Variants in RBL1 observed in about 807,000 individuals in gnomAD.
RBL1 encodes the protein retinoblastoma-like protein 1.
A neutral mutation model predicts 123.0 loss-of-function variants in RBL1; 82 were observed. That is an observed-to-expected ratio of 0.67 (90% CI 0.56 to 0.80). The LOEUF (loss-of-function observed/expected upper bound fraction) is 0.80. Ranked by LOEUF, RBL1 falls within the 30% of genes least tolerant of loss-of-function variation. RBL1 has a pLI of 0.00. For missense variants in RBL1, 1,171 were observed against 1,299.6 expected (o/e 0.90, Z 1.52); for synonymous variants, 405 against 441.3 (o/e 0.92, Z 1.03).
Position 37,062,228 on chromosome 20 carries a change from AAC to A in RBL1, c.937_938del (p.Val313TrpfsTer2). The A allele has an allele frequency of 6.2e-7, 1 of 1,614,208 alleles. No homozygotes were observed. Among genetic ancestry groups the A allele is most frequent in the Non-Finnish European group, 8.5e-7 (1 of 1,180,030 alleles). ...NKEYEEYVLT[V>X]GDFDERIFLG... Reference sequence around the variant, plus strand: ...AAAAGATCCTCTCATCAAAATCACCAACAGTTAGAACATACTCTTCATACTCC... The same window carrying A: ...AAAAGATCCTCTCATCAAAATCACCAAGTTAGAACATACTCTTCATACTCC... On this transcript the variant is annotated frameshift_variant, in exon 8 of 22. Transcript: ENST00000373664. LOFTEE classifies it high-confidence loss of function.
Position 37,062,245 on chromosome 20 carries a change from C to G in RBL1, c.922G>C (p.Glu308Gln). The G allele has an allele frequency of 6.2e-7, 1 of 1,614,122 alleles. No homozygotes were observed. The highest frequency in any genetic ancestry group is 8.5e-7 in the Non-Finnish European group (1 of 1,180,026). ...AAATCACCAACAGTTAGAACATACT[C>G]TTCATACTCCTTATTCACTGCTTTG... ...NSKAVNKEYE[E>Q]YVLTVGDFDE... The change falls in exon 8 of 22, where the codon GAG (glutamate) becomes CAG (glutamine). Residue 308 changes from glutamate (E) to glutamine (Q), a missense_variant. Coordinates refer to ENST00000373664, the MANE Select transcript of RBL1 (RefSeq NM_002895.5).
intron 18 of RBL1, 71 bp downstream of exon 18, chr20:37,020,588 C>T (rs2064326309): frequency 2.9e-6 from 3 of 1,028,510 alleles, no homozygotes; most frequent in Non-Finnish European, 2.9e-6. Context: ...AATAAGTTTA[C>T]CTTTTATATA....
intron 11 of RBL1, among the ~76,000 whole-genome samples, chr20:37,048,502 G>A (rs1448092451): frequency 2.6e-5 from 4 of 152,132 alleles, no homozygotes; most frequent in African/African-American, 9.7e-5. Flanking sequence ...AGCCAGGCAA[G>A]AGATTTACAG....
In RBL1 at chr20:37,047,109, G is replaced by A. The variant is rs149999468; in HGVS notation, c.1549C>T (p.Arg517Cys). ...EIVLFAYSSP[R>C]TFPWIIEVLN... Reference sequence around the variant, plus strand: ...ACTTCAATAATCCAAGGAAAAGTACGAGGTGAGCTATAGGCAAAGAGCACA... The same window carrying A: ...ACTTCAATAATCCAAGGAAAAGTACAAGGTGAGCTATAGGCAAAGAGCACA... Residue 517 changes from arginine to cysteine, a missense_variant, in exon 12 of 22, where the codon CGT (arginine) becomes TGT (cysteine). Physicochemically the swap from Arg to Cys is radical, Grantham distance 180 (BLOSUM62 -3). Transcript: ENST00000373664. 1.1e-3 allele frequency: 1,809 copies of A among 1,605,142 alleles called. 1 individual carries two copies. The highest frequency in any genetic ancestry group is 2.1e-3 in the Admixed American group (122 of 56,850).
chr20:37,095,441 T>G (rs1305423051), intron 1 of RBL1, among the ~76,000 whole-genome samples: 2 of 152,216 alleles, frequency 1.3e-5, no homozygotes, highest in Non-Finnish European at 2.9e-5. Flanking sequence ...GCAGTTCATT[T>G]TCACTTTACC....
chr20:37,047,099 G>C lies in RBL1; in HGVS notation c.1559C>G (p.Pro520Arg), dbSNP rs140507297. 4.0e-4 allele frequency: 644 copies of C among 1,598,378 alleles called. 2 individuals carry two copies. In the African/African-American group the frequency reaches 7.7e-3, roughly 19 times the overall value. Reference protein sequence around the residue: ...LFAYSSPRTFPWIIEVLNLQP... With the variant: ...LFAYSSPRTFRWIIEVLNLQP... Reference sequence around the variant, plus strand: ...CAAGTTGAGAACTTCAATAATCCAAGGAAAAGTACGAGGTGAGCTATAGGC... The same window carrying C: ...CAAGTTGAGAACTTCAATAATCCAACGAAAAGTACGAGGTGAGCTATAGGC... The change falls in exon 12 of 22, where the codon CCT (proline) becomes CGT (arginine). Residue 520 changes from proline (P) to arginine (R), a missense_variant. Transcript: ENST00000373664.
chr20:37,018,260 G>A lies in RBL1; in HGVS notation c.2722+19C>T. On this transcript the variant is annotated intron_variant, in intron 19 of 21. Transcript: ENST00000373664. ...ATCCAATGTGTTTTACATATAATAT[G>A]TTAAATTGGATAACTTACCACAATC... 5 of 1,595,402 alleles carry A rather than the reference G, an allele frequency of 3.1e-6. No homozygotes were observed. Among genetic ancestry groups the A allele is most frequent in the Non-Finnish European group, 4.3e-6 (5 of 1,171,840 alleles).
In RBL1 at chr20:37,061,190, G is replaced by C. The variant is rs759864352; in HGVS notation, c.1163C>G (p.Ala388Gly). ...CCGGCTCACACTTTGGGTGGCTGAT[G>C]CAACAGGAGTAATGACTGCTTCTTT... ...REKEAVITPVASATQSVSRLQ... is the reference protein window; with the variant it reads ...REKEAVITPVGSATQSVSRLQ... Residue 388 changes from alanine (A) to glycine (G), a missense_variant, in exon 9 of 22, where the codon GCA becomes GGA. By Grantham distance (60) the Ala-to-Gly change is moderately conservative. Transcript: ENST00000373664. 13 of 1,614,122 alleles carry C rather than the reference G, an allele frequency of 8.1e-6. No individual in the cohort carries two copies. The South Asian group carries it at 1.3e-4, about 16-fold the overall frequency.
intron 21 of RBL1, among the ~76,000 whole-genome samples, chr20:37,003,256 TCAC>T (rs912861175): frequency 7.2e-5 from 11 of 152,286 alleles, no homozygotes; most frequent in African/African-American, 2.6e-4. Flanking sequence ...TACCACATCT[TCAC>T]CACTGAACAA....
intron 9 of RBL1, among the ~76,000 whole-genome samples, chr20:37,057,052 T>TAC (rs1568864724): frequency 1.7e-5 from 2 of 119,532 alleles, no homozygotes; most frequent in Non-Finnish European, 3.7e-5. Flanking sequence ...TACCTACCTA[T>TAC]CTACCTATCT....
At chr20:37,074,328 C>T (rs914397835) in intron 2 of RBL1, among the ~76,000 whole-genome samples, 1 of 147,846 alleles carries the variant, frequency 6.8e-6, no homozygotes, top group Non-Finnish European at 1.5e-5. Context: ...GTAGGCAGAT[C>T]GCTTGAGCCT....
chr20:37,046,938 C>T, intron 12 of RBL1, 115 bp downstream of exon 12: 1 of 1,380,454 alleles, frequency 7.2e-7, no homozygotes, highest in African/African-American at 1.5e-5. Flanking sequence ...CAGAACACAT[C>T]TGGAAACACT....
chr20:37,030,863 A>T (rs543574107), intron 16 of RBL1, among the ~76,000 whole-genome samples: 1 of 151,010 alleles, frequency 6.6e-6, no homozygotes, highest in Non-Finnish European at 1.5e-5. Flanking sequence ...TCAAAAAAAA[A>T]AAAAACAAAA....
At chr20:37,001,659 A>T (rs1262371361) in intron 21 of RBL1, among the ~76,000 whole-genome samples, 1 of 148,808 alleles carries the variant, frequency 6.7e-6, no homozygotes, top group East Asian at 2.0e-4. Context: ...GGAAAACCAG[A>T]GACCTTTGTT....
At chr20:37,067,380 T>C in intron 3 of RBL1, 83 bp from the exon 4 acceptor site, 2 of 1,015,880 alleles carry the variant, frequency 2.0e-6, no homozygotes, top group Non-Finnish European at 2.9e-6. Context: ...AAATATCAAA[T>C]AGATCAAATT....
chr20:37,022,226 T>C (rs948728358), intron 17 of RBL1, among the ~76,000 whole-genome samples: 1 of 152,230 alleles, frequency 6.6e-6, no homozygotes, highest in African/African-American at 2.4e-5. Context: ...AAGCAAGATA[T>C]GTTATTCCAT....
rs763927293 is a variant in RBL1 at position 37,040,289 on chromosome 20, T to C, written c.1771-4A>G. 24 of 1,611,126 alleles carry C rather than the reference T, an allele frequency of 1.5e-5. No individual in the cohort carries two copies. Among genetic ancestry groups the C allele is most frequent in the South Asian group, 8.9e-5 (8 of 90,094 alleles). Reference sequence around the variant, plus strand: ...CAAAGTTATTTGGGAATATAACCTGTAGAAAACAAAAACCCTTTGATTTAC... The same window carrying C: ...CAAAGTTATTTGGGAATATAACCTGCAGAAAACAAAAACCCTTTGATTTAC... On this transcript the variant is annotated splice_region_variant and splice_polypyrimidine_tract_variant and intron_variant, in intron 13 of 21. Coordinates refer to ENST00000373664, the MANE Select transcript of RBL1 (RefSeq NM_002895.5).
intron 16 of RBL1, among the ~76,000 whole-genome samples, chr20:37,030,548 G>A (rs925229422): frequency 2.6e-5 from 4 of 151,342 alleles, no homozygotes; most frequent in African/African-American, 7.3e-5. Flanking sequence ...GTGAAACCCC[G>A]TCTCTACAAA....
intron 16 of RBL1, among the ~76,000 whole-genome samples, chr20:37,030,431 T>A (rs2064488333): frequency 6.6e-6 from 1 of 152,112 alleles, no homozygotes; most frequent in Non-Finnish European, 1.5e-5. Flanking sequence ...ATACAAAAAT[T>A]AAAATGGGCT....
Sources: allele counts gnomAD v4.1 joint callset (sites outside exome capture counted in the v4.1 genomes callset), GRCh38; gene constraint gnomAD v4.1.1; transcripts MANE v1.5; gene names NCBI Gene and HGNC (gene_info 2026-07-23, HGNC 2026-07-21).